The following SHROOM3 variants were observed in gnomAD, a reference collection of about 807,000 sequenced individuals.
SHROOM3 encodes shroom family member 3.
Under a neutral mutation model 138.6 loss-of-function variants are expected in SHROOM3, and 47 were observed. The ratio of observed to expected loss-of-function variants is 0.34; its 90% CI spans 0.27 to 0.43. The LOEUF (loss-of-function observed/expected upper bound fraction) is 0.43, where lower values mean the gene tolerates loss of function less well. Among genes scored for constraint, SHROOM3 ranks in the 20% least tolerant of loss-of-function variants. SHROOM3 has a pLI of 1.00. For synonymous variants in SHROOM3, 1,062 were observed against 1,063.3 expected (o/e 1.00, Z 0.02); for missense variants, 2,491 against 2,596.5 (o/e 0.96, Z 0.88).
At chr4:76,757,058 G>A in intron 8 of SHROOM3, 121 bp downstream of exon 8, 1 of 1,512,270 alleles carries the variant, frequency 6.6e-7, no homozygotes, top group Non-Finnish European at 9.0e-7. Flanking sequence ...AACCAAGAGT[G>A]ACATTTTATC....
intron 1 of SHROOM3, among the ~76,000 whole-genome samples, chr4:76,518,575 T>TTGCC (rs901632269): frequency 2.6e-5 from 3 of 117,434 alleles, no homozygotes; most frequent in South Asian, 6.2e-4. Flanking sequence ...TCTTGCCTGC[T>TTGCC]TGCCTGCCTG....
intron 1 of SHROOM3, among the ~76,000 whole-genome samples, chr4:76,459,595 C>T (rs531324524): frequency 1.3e-5 from 2 of 152,144 alleles, no homozygotes; most frequent in South Asian, 4.1e-4. Context: ...AGGAAAATCT[C>T]GCACAGCCAG....
chr4:76,506,270 C>A (rs1164785033), intron 1 of SHROOM3, among the ~76,000 whole-genome samples: 2 of 151,992 alleles, frequency 1.3e-5, no homozygotes, highest in African/African-American at 4.8e-5. Flanking sequence ...GGAGAAATAC[C>A]TAATATAGAT....
chr4:76,445,974 T>C (rs545720082), intron 1 of SHROOM3, among the ~76,000 whole-genome samples: 1 of 152,204 alleles, frequency 6.6e-6, no homozygotes, highest in Non-Finnish European at 1.5e-5. Context: ...CTCTCTTTGC[T>C]GTTGGGAGAG....
intron 1 of SHROOM3, among the ~76,000 whole-genome samples, chr4:76,464,406 A>G (rs1731207668): frequency 6.8e-6 from 1 of 148,074 alleles, no homozygotes; most frequent in African/African-American, 2.5e-5. Flanking sequence ...GAAGTAACTA[A>G]TTTTTTTTTT....
At chr4:76,715,627 T>A (rs1263800616) in intron 3 of SHROOM3, among the ~76,000 whole-genome samples, 1 of 152,214 alleles carries the variant, frequency 6.6e-6, no homozygotes, top group African/African-American at 2.4e-5. Flanking sequence ...CTGATGTAAT[T>A]ATTAAGCATT....
At chr4:76,539,614 T>G (rs7435439) in intron 1 of SHROOM3, among the ~76,000 whole-genome samples, 4,923 of 152,298 alleles carry the variant, frequency 0.032, 280 homozygotes, top group African/African-American at 0.11. Context: ...AACTTAATCC[T>G]CGCAGCAATT....
intron 1 of SHROOM3, among the ~76,000 whole-genome samples, chr4:76,532,906 C>A (rs1732862522): frequency 6.6e-6 from 1 of 152,090 alleles, no homozygotes; most frequent in African/African-American, 2.4e-5. Flanking sequence ...ATAAGGGGTA[C>A]TTGAACACAA....
chr4:76,677,336 T>C (rs1341265189), intron 2 of SHROOM3, among the ~76,000 whole-genome samples: 1 of 152,158 alleles, frequency 6.6e-6, no homozygotes, highest in Non-Finnish European at 1.5e-5. Context: ...AGCACGGGCT[T>C]TGGGGTTGGG....
chr4:76,714,025 T>G (rs1720305880), intron 3 of SHROOM3, among the ~76,000 whole-genome samples: 4 of 152,372 alleles, frequency 2.6e-5, no homozygotes, highest in Admixed American at 1.3e-4. Flanking sequence ...TTTACTTTTT[T>G]GTTTTGAAAT....
intron 3 of SHROOM3, among the ~76,000 whole-genome samples, chr4:76,725,084 T>A (rs1720664119): frequency 6.6e-6 from 1 of 152,180 alleles, no homozygotes; most frequent in Non-Finnish European, 1.5e-5. Context: ...AAAAGTTGTT[T>A]TTTGTTTTTT....
intron 1 of SHROOM3, among the ~76,000 whole-genome samples, chr4:76,441,330 T>C (rs1050931345): frequency 4.6e-5 from 7 of 152,144 alleles, no homozygotes; most frequent in Non-Finnish European, 7.4e-5. Flanking sequence ...CCTGACCTCG[T>C]GATCCACCCA....
rs1273320907 is a variant in SHROOM3, at chr4:76,710,214, G to T, written c.382G>T (p.Glu128Ter). Residue 128 changes from glutamate to a stop codon, truncating the protein, a stop_gained, in exon 3 of 11, where the codon GAA (glutamate) becomes TAA (stop). Coordinates refer to ENST00000296043, the MANE Select transcript of SHROOM3 (RefSeq NM_020859.4). LOFTEE classifies it high-confidence loss of function. The part of the protein sequence containing the change: ...DTGASNFVSP[E>*]HLTSGPQHRK... The stretch of plus-strand genomic sequence containing the variant: ...TGGTGCCTCTAACTTCGTCAGCCCA[G>T]AACACCTCACCTCTGGCCCCCAGCA... 1.2e-6 allele frequency: 2 copies of T among 1,614,136 alleles called. No homozygotes were observed. Among genetic ancestry groups the T allele is most frequent in the Non-Finnish European group, 1.7e-6 (2 of 1,180,018 alleles).
chr4:76,681,592 A>AGG (rs1392313596), intron 2 of SHROOM3, among the ~76,000 whole-genome samples: 4,505 of 30,912 alleles, frequency 0.15, 156 homozygotes, highest in East Asian at 0.29. Context: ...GGCAGAGTCT[A>AGG]GGGTGTGTGT....
chr4:76,479,199 C>G (rs1018837332), intron 1 of SHROOM3, among the ~76,000 whole-genome samples: 2 of 151,776 alleles, frequency 1.3e-5, no homozygotes, highest in African/African-American at 4.8e-5. Flanking sequence ...AGGAGCATGT[C>G]CTAACCCAAT....
chr4:76,756,104 T>C (rs1172350280), intron 7 of SHROOM3, among the ~76,000 whole-genome samples: 1 of 152,160 alleles, frequency 6.6e-6, no homozygotes, highest in Non-Finnish European at 1.5e-5. Flanking sequence ...AGGAGCCCCT[T>C]TAGAGTGCTG....
intron 8 of SHROOM3, among the ~76,000 whole-genome samples, chr4:76,757,513 C>T (rs11729498): frequency 0.071 from 10,881 of 152,246 alleles, 501 homozygotes; most frequent in Non-Finnish European, 0.1. Context: ...GCGTGGCCAA[C>T]GTCTTGCCAA....
chr4:76,489,014 A>T (rs1256487338), intron 1 of SHROOM3, among the ~76,000 whole-genome samples: 1 of 152,236 alleles, frequency 6.6e-6, no homozygotes, highest in Non-Finnish European at 1.5e-5. Context: ...GAGACACTCC[A>T]ACTCCTGAAT....
chr4:76,758,472 A>AGG (rs1721891805), intron 8 of SHROOM3: 1 of 151,990 alleles, frequency 6.6e-6, no homozygotes, highest in Non-Finnish European at 1.5e-5. Flanking sequence ...AAAAAAAAAA[A>AGG]AAGGCATGCG....
Sources: allele counts gnomAD v4.1 joint callset (sites outside exome capture counted in the v4.1 genomes callset), GRCh38; gene constraint gnomAD v4.1.1; transcripts MANE v1.5; gene names NCBI Gene and HGNC (gene_info 2026-07-23, HGNC 2026-07-21).